KCNAB2: variants seen among roughly 807,000 people sequenced by gnomAD.
KCNAB2 encodes the protein voltage-gated potassium channel subunit beta-2.
KCNAB2 carries 29 observed loss-of-function variants against 63.6 expected under a neutral mutation model. The observed-to-expected ratio is 0.46, with a 90% CI of 0.34 to 0.62. KCNAB2 has a LOEUF of 0.62. Ranked by LOEUF, KCNAB2 falls within the 20% of genes least tolerant of loss-of-function variation. The probability of loss-of-function intolerance (pLI) is 0.01; values close to 1 mark genes in which losing one functional copy is unlikely to be tolerated. For synonymous variants in KCNAB2, 222 were observed against 224.2 expected (o/e 0.99, Z 0.09); for missense variants, 359 against 563.9 (o/e 0.64, Z 3.68).
Position 6,096,879 on chromosome 1 carries a change from GA to G in KCNAB2, c.1069+124del. 7.8e-7 allele frequency: 1 copy of G among 1,274,084 alleles called. No homozygotes were observed. Among genetic ancestry groups the G allele is most frequent in the African/African-American group, 1.5e-5 (1 of 66,236 alleles). The allele number at this position is 1,274,084 out of a possible 1,614,324, so 78.9% of individuals were successfully genotyped here. A position where few individuals can be genotyped will look rare whatever the true frequency, so the allele number is the denominator to read the frequency against. ...CGGGGAGAGAGGGAAGGGATCCCTG[GA>G]CATCATCCCCCAGCCAGCCTCGGGT... On this transcript the variant is annotated intron_variant, in intron 14 of 15. Coordinates refer to ENST00000378083, the MANE Select transcript of KCNAB2 (RefSeq NM_001199862.2). This position sits in a 1 kb window ranked among gnomAD's most constrained non-coding sequence, Gnocchi z 5.9.
In KCNAB2 at chr1:6,087,323, T is replaced by G. The variant is rs1571079944; in HGVS notation, c.426-144T>G. ...TGGGCACGTGGTACACATCATATGATGGAGAAGTGCCCATTTCATGCCCCA... is the reference window on the plus strand; with the variant it reads ...TGGGCACGTGGTACACATCATATGAGGGAGAAGTGCCCATTTCATGCCCCA... On this transcript the variant is annotated intron_variant, in intron 6 of 15. Coordinates refer to ENST00000378083, the MANE Select transcript of KCNAB2 (RefSeq NM_001199862.2). The surrounding 1 kb of genome is among the most constrained non-coding windows in gnomAD (Gnocchi z 6.4). The G allele has an allele frequency of 7.0e-6, 6 of 863,232 alleles. No individual in the cohort carries two copies. The Middle Eastern group carries it at 7.0e-4, about 100-fold the overall frequency. The allele number at this position is 863,232 out of a possible 1,614,324, so 53.5% of individuals were successfully genotyped here.
upstream of KCNAB2, among the ~76,000 whole-genome samples, chr1:6,045,346 C>T (rs1660828953): frequency 6.6e-6 from 1 of 152,102 alleles, no homozygotes; most frequent in South Asian, 2.1e-4. The surrounding 1 kb of genome is among the most constrained non-coding windows in gnomAD (Gnocchi z 4.8). Context: ...GGGTCATGAC[C>T]CTGGGGTTGG....
chr1:6,066,682 G>A (rs1015918275), intron 2 of KCNAB2, among the ~76,000 whole-genome samples: 1 of 152,210 alleles, frequency 6.6e-6, no homozygotes, highest in Non-Finnish European at 1.5e-5. Flanking sequence ...TGCCCTGGGG[G>A]TGGTCTGATA....
intron 1 of KCNAB2, among the ~76,000 whole-genome samples, chr1:6,050,795 C>G (rs1661316378): frequency 6.6e-6 from 1 of 152,238 alleles, no homozygotes; most frequent in South Asian, 2.1e-4. Flanking sequence ...TTTCCCCAGG[C>G]CACTCTCCTC....
intron 2 of KCNAB2, among the ~76,000 whole-genome samples, chr1:6,060,157 C>G (rs1391246608): frequency 6.6e-6 from 1 of 152,238 alleles, no homozygotes; most frequent in Non-Finnish European, 1.5e-5. Context: ...GCCCTCCTGC[C>G]TCTGCTCTCA....
Position 6,074,277 on chromosome 1 carries a change from T to C in KCNAB2, c.300+507T>C, listed in dbSNP as rs1220340368. Among the ~76,000 whole-genome samples the C allele has an allele frequency of 6.6e-6, 1 of 152,198 alleles. No individual in the cohort carries two copies. The highest frequency in any genetic ancestry group is 1.9e-4 in the East Asian group (1 of 5,192). ...TCCCAGCTGCCGCGAACCGTGCGGA[T>C]CGCAGTCAGATGTATTTGCTGGGGC... is the stretch of plus-strand genomic sequence containing the variant. On this transcript the variant is annotated intron_variant, in intron 4 of 15. Transcript: ENST00000378083. This position sits in a 1 kb window ranked among gnomAD's most constrained non-coding sequence, Gnocchi z 4.9.
chr1:6,037,058 T>C (rs1318277127), intron 1 of KCNAB2, among the ~76,000 whole-genome samples: 1 of 152,230 alleles, frequency 6.6e-6, no homozygotes, highest in Non-Finnish European at 1.5e-5. Flanking sequence ...GGCTCTGGCC[T>C]GCTTAGACTC....
intron 1 of KCNAB2, among the ~76,000 whole-genome samples, chr1:6,015,721 T>C (rs953693727): frequency 2.0e-5 from 3 of 152,152 alleles, no homozygotes; most frequent in Admixed American, 2.0e-4. Context: ...TGGGGGTTTT[T>C]TGAGACAGGA....
In KCNAB2 at chr1:6,097,298, T is replaced by A; in HGVS notation, c.1099T>A (p.Ser367Thr). 6.4e-7 allele frequency: 1 copy of A among 1,551,338 alleles called. No homozygotes were observed. The highest frequency in any genetic ancestry group is 8.7e-7 in the Non-Finnish European group (1 of 1,146,780). Residue 367 changes from serine to threonine, a missense_variant, in exon 15 of 16, where the codon TCC (serine) becomes ACC (threonine). Transcript: ENST00000378083. ...AWCLRNEGVS[S>T]VLLGASNADQ... Reference sequence around the variant, plus strand: ...GTGCCTGAGGAATGAGGGAGTCAGCTCCGTGCTCCTGGGGGCCTCCAATGC... The same window carrying A: ...GTGCCTGAGGAATGAGGGAGTCAGCACCGTGCTCCTGGGGGCCTCCAATGC...
Position 6,048,365 on chromosome 1 carries a change from A to G in KCNAB2, c.-27+2182A>G, listed in dbSNP as rs572800347. 2.6e-5 allele frequency among the ~76,000 whole-genome samples: 4 copies of G among 152,270 alleles called. No individual in the cohort carries two copies. In the South Asian group the frequency reaches 8.3e-4, roughly 32 times the overall value. On this transcript the variant is annotated intron_variant, in intron 1 of 15. Coordinates refer to ENST00000378083, the MANE Select transcript of KCNAB2 (RefSeq NM_001199862.2). ...GTCACCAACTCCCACCCAGTTGTCC[A>G]AAGCCTCATCTCATGCAGCCCACAG...
rs1261997283 is a variant in KCNAB2, at chr1:5,994,372, T to C, written c.-53+1584T>C. On this transcript the variant is annotated intron_variant, in intron 1 of 16. Transcript: ENST00000341524. This position sits in a 1 kb window ranked among gnomAD's most constrained non-coding sequence, Gnocchi z 5.4. ...CCCTGTGCAGCTCCTGGCCCTGTGCTCTCGCAGTGTGGGGCCCTAAGAGTG... is the reference window on the plus strand; with the variant it reads ...CCCTGTGCAGCTCCTGGCCCTGTGCCCTCGCAGTGTGGGGCCCTAAGAGTG... Among the ~76,000 whole-genome samples, 1 of 152,212 alleles carries C rather than the reference T, an allele frequency of 6.6e-6. No homozygotes were observed. Among genetic ancestry groups the C allele is most frequent in the Non-Finnish European group, 1.5e-5 (1 of 68,028 alleles).
chr1:6,018,501 T>G (rs1658643375), intron 1 of KCNAB2: 1 of 152,342 alleles, frequency 6.6e-6, no homozygotes, highest in Non-Finnish European at 1.5e-5. Flanking sequence ...TGGAGTGCAG[T>G]GGAGTGATCA....
intron 1 of KCNAB2, among the ~76,000 whole-genome samples, chr1:6,002,936 G>A (rs574197922): frequency 5.3e-5 from 8 of 152,126 alleles, no homozygotes; most frequent in African/African-American, 1.4e-4. Flanking sequence ...CCCCTGCTTC[G>A]TCCCCTCCAC....
chr1:6,033,174 CAGAGA>C (rs1334444605), upstream of KCNAB2, among the ~76,000 whole-genome samples: 1 of 151,972 alleles, frequency 6.6e-6, no homozygotes, highest in Admixed American at 6.6e-5. Context: ...TCAAACAGTT[CAGAGA>C]AAAGTGTGTG....
rs949568728 is a variant in KCNAB2, at chr1:6,097,256, C to T, written c.1070-13C>T. ...TGGGTGTTTCTCCCTCACCTTGGGTCTCGCCGCCACAGCCTGGTGCCTGAG... is the reference window on the plus strand; with the variant it reads ...TGGGTGTTTCTCCCTCACCTTGGGTTTCGCCGCCACAGCCTGGTGCCTGAG... On this transcript the variant is annotated splice_polypyrimidine_tract_variant and intron_variant, in intron 14 of 15. Coordinates refer to ENST00000378083, the MANE Select transcript of KCNAB2 (RefSeq NM_001199862.2). 6.5e-7 allele frequency: 1 copy of T among 1,533,358 alleles called. No individual in the cohort carries two copies. The highest frequency in any genetic ancestry group is 8.8e-7 in the Non-Finnish European group (1 of 1,135,728). 95.0% of individuals were successfully genotyped at this position (1,533,358 alleles called of 1,614,324 possible).
At chr1:6,048,134 C>T (rs544485297) in intron 1 of KCNAB2, among the ~76,000 whole-genome samples, 1 of 152,188 alleles carries the variant, frequency 6.6e-6, no homozygotes, top group Non-Finnish European at 1.5e-5. Context: ...GTGAAGGGGG[C>T]GATTATTCAC....
intron 1 of KCNAB2, among the ~76,000 whole-genome samples, chr1:6,049,992 C>T: frequency 6.6e-6 from 1 of 152,206 alleles, no homozygotes; most frequent in East Asian, 1.9e-4. Context: ...GCACATGGGG[C>T]TCATCACAAA....
intron 1 of KCNAB2, among the ~76,000 whole-genome samples, chr1:6,013,179 C>T (rs1470264516): frequency 6.6e-6 from 1 of 152,172 alleles, no homozygotes; most frequent in Non-Finnish European, 1.5e-5. Flanking sequence ...CAAAAGCGTG[C>T]TGGGCACCAA....
rs56202547 is a variant in KCNAB2 at position 6,017,406 on chromosome 1, C to CTGTGTGTGTGTGTGTGTGTG, written c.-52-23097_-52-23078dup. On this transcript the variant is annotated intron_variant, in intron 1 of 16. Transcript: ENST00000341524. ...CACAGGTGCACATCACCATACCTGG[C>CTGTGTGTGTGTGTGTGTGTG]TGTGTGTGTGTGTGTGTGTGTGTGT... 7.6e-4 allele frequency among the ~76,000 whole-genome samples: 112 copies of CTGTGTGTGTGTGTGTGTGTG among 147,296 alleles called. 1 individual carries two copies. Among genetic ancestry groups the CTGTGTGTGTGTGTGTGTGTG allele is most frequent in the African/African-American group, 2.6e-3 (101 of 39,606 alleles).
Sources: gnomAD v4.1 joint callset for allele counts (sites outside exome capture counted in the v4.1 genomes callset) on GRCh38, gnomAD v4.1.1 for gene constraint, Gnocchi (gnomAD v3.1) non-coding constraint, MANE v1.5 for transcripts, NCBI Gene and HGNC (gene_info 2026-07-23, HGNC 2026-07-21) for gene names.